Variants in SPCS2 observed in about 807,000 individuals in gnomAD.
SPCS2 encodes the protein signal peptidase complex subunit 2.
Under a neutral mutation model 22.3 loss-of-function variants are expected in SPCS2, and 3 were observed. The observed-to-expected ratio is 0.13, with a 90% CI of 0.06 to 0.35. The LOEUF (loss-of-function observed/expected upper bound fraction) is 0.35, where lower values mean the gene tolerates loss of function less well. SPCS2 is among the 10% of genes least tolerant of loss of function. The pLI is 1.00. For missense variants in SPCS2, 169 were observed against 280.9 expected, an observed-to-expected ratio of 0.60 and a Z score of 2.85; for synonymous variants, 67 against 97.2, an observed-to-expected ratio of 0.69 and a Z score of 1.83.
At chr11:74,969,407 A>C (rs1270019454) in intron 3 of SPCS2, among the ~76,000 whole-genome samples, 158 bp from the exon 4 acceptor site, 1 of 152,240 alleles carries the variant, frequency 6.6e-6, no homozygotes, top group East Asian at 1.9e-4. Flanking sequence ...TATAAACATA[A>C]GGATGAAAAT....
rs1245251327 is a variant in SPCS2, at chr11:74,951,440, A to G, written c.114+2041A>G. ...GAATCTATTTAAGGAAGTATATGGT[A>G]TATTCGCTCAAGTGTGTACTTGTTA... On this transcript the variant is annotated intron_variant, in intron 1 of 4. Transcript: ENST00000263672. Among the ~76,000 whole-genome samples, 4 of 152,184 alleles carry G rather than the reference A, an allele frequency of 2.6e-5. No homozygotes were observed. In the East Asian group the frequency reaches 7.7e-4, roughly 29 times the overall value.
chr11:74,949,751 GC>G, intron 1 of SPCS2: 1 of 431,364 alleles, frequency 2.3e-6, no homozygotes, highest in South Asian at 1.7e-5. Context: ...GAAAACCGAA[GC>G]CCAAAGATTA....
In SPCS2 at chr11:74,969,493, A is replaced by G. The variant is rs913264116; in HGVS notation, c.360-72A>G. 4 of 1,438,704 alleles carry G rather than the reference A, an allele frequency of 2.8e-6. No homozygotes were observed. The African/African-American group carries it at 5.7e-5, about 20-fold the overall frequency. 89.1% of individuals were successfully genotyped at this position (1,438,704 alleles called of 1,614,324 possible). A position where few individuals can be genotyped will look rare whatever the true frequency, so the allele number is the denominator to read the frequency against. The stretch of plus-strand genomic sequence containing the variant: ...TAGGACTATCATTATGAAAGTTTTT[A>G]TATCTGTTGCTTGTCAATTTGTGTT... On this transcript the variant is annotated intron_variant, in intron 3 of 4. Coordinates refer to ENST00000263672, the MANE Select transcript of SPCS2 (RefSeq NM_014752.3).
rs1217453849 is a variant in SPCS2, at chr11:74,957,692, G to A, written c.115-7342G>A. Among the ~76,000 whole-genome samples the A allele has an allele frequency of 3.9e-5, 6 of 152,210 alleles. No individual in the cohort carries two copies. In the South Asian group the frequency reaches 1.0e-3, roughly 26 times the overall value. On this transcript the variant is annotated intron_variant, in intron 1 of 4. Coordinates refer to ENST00000263672, the MANE Select transcript of SPCS2 (RefSeq NM_014752.3). ...TTGTAGTGTGCCCTTGCCCCTCTAT[G>A]TCTACTTCTTACCATTTAGCACTTA... is the stretch of plus-strand genomic sequence containing the variant.
chr11:74,975,221 G>A (rs577804603), intron 4 of SPCS2, among the ~76,000 whole-genome samples: 1 of 152,156 alleles, frequency 6.6e-6, no homozygotes, highest in East Asian at 1.9e-4. Flanking sequence ...TCTTGCCTCA[G>A]GGCCTTTGCA....
chr11:74,975,927 C>T (rs1324026523), intron 4 of SPCS2, among the ~76,000 whole-genome samples: 1 of 152,136 alleles, frequency 6.6e-6, no homozygotes, highest in African/African-American at 2.4e-5. Flanking sequence ...TGTCAGCCTA[C>T]CAGTAATTGG....
intron 4 of SPCS2, among the ~76,000 whole-genome samples, chr11:74,969,982 A>G (rs1050932962): frequency 6.6e-6 from 1 of 152,230 alleles, no homozygotes; most frequent in Non-Finnish European, 1.5e-5. Flanking sequence ...TAAAGGCCAA[A>G]GATGTGAGAT....
At chr11:74,950,129 T>C (rs1051517920) in intron 1 of SPCS2, among the ~76,000 whole-genome samples, 1 of 152,188 alleles carries the variant, frequency 6.6e-6, no homozygotes, top group Non-Finnish European at 1.5e-5. Flanking sequence ...AAACTGTCCC[T>C]GGGTTGGCCT....
At chr11:74,958,490 C>T (rs1377724322) in intron 1 of SPCS2, among the ~76,000 whole-genome samples, 2 of 152,134 alleles carry the variant, frequency 1.3e-5, no homozygotes, top group Non-Finnish European at 2.9e-5. Context: ...ATTTTCCTTT[C>T]TTGCTAAATA....
chr11:74,960,845 CAT>C (rs1052171769), intron 1 of SPCS2, among the ~76,000 whole-genome samples: 27 of 152,130 alleles, frequency 1.8e-4, no homozygotes, highest in Non-Finnish European at 2.8e-4. Context: ...ATCCGTAGCA[CAT>C]GTTAGGCATT....
chr11:74,971,713 G>A (rs1948585634), intron 4 of SPCS2, among the ~76,000 whole-genome samples: 1 of 152,156 alleles, frequency 6.6e-6, no homozygotes, highest in Non-Finnish European at 1.5e-5. Flanking sequence ...GCCACGTGCA[G>A]ACAACACAAG....
At chr11:74,951,818 A>G (rs988141215) in intron 1 of SPCS2, among the ~76,000 whole-genome samples, 1 of 151,616 alleles carries the variant, frequency 6.6e-6, no homozygotes, top group Non-Finnish European at 1.5e-5. Context: ...CTCAAAAAAA[A>G]AAAAAAAAAA....
chr11:74,953,409 T>G (rs1006826673), intron 1 of SPCS2, among the ~76,000 whole-genome samples: 1 of 152,108 alleles, frequency 6.6e-6, no homozygotes, highest in Non-Finnish European at 1.5e-5. Flanking sequence ...GCCAGGCTGG[T>G]CTCAAACTCC....
Position 74,949,385 on chromosome 11 carries a change from G to A in SPCS2, c.100G>A (p.Gly34Ser), listed in dbSNP as rs1164051479. 1 of 1,551,498 alleles carries A rather than the reference G, an allele frequency of 6.4e-7. No homozygotes were observed. Among genetic ancestry groups the A allele is most frequent in the Admixed American group, 2.0e-5 (1 of 50,992 alleles). Residue 34 changes from glycine to serine, a missense_variant, in exon 1 of 5, where the codon GGC becomes AGC. This residue lies in a region of SPCS2 where 118 missense variants were observed against 243.1 expected (regional missense o/e 0.49). Coordinates refer to ENST00000263672, the MANE Select transcript of SPCS2 (RefSeq NM_014752.3). Reference sequence around the variant, plus strand: ...CTGCGGGACAGGAAGTGGCCGTAGCGGCTTGTTGGATAAGGTGAGGAGCCG... The same window carrying A: ...CTGCGGGACAGGAAGTGGCCGTAGCAGCTTGTTGGATAAGGTGAGGAGCCG... ...SNCGTGSGRS[G>S]LLDKWKIDDK...
intron 1 of SPCS2, 36 bp from the exon 2 acceptor site, chr11:74,964,998 G>A: frequency 1.4e-6 from 2 of 1,459,950 alleles, no homozygotes; most frequent in Non-Finnish European, 1.9e-6. Context: ...AAGAGGCCAG[G>A]TTTCTTGATG....
chr11:74,949,502 G>A, intron 1 of SPCS2, 103 bp downstream of exon 1: 1 of 1,056,190 alleles, frequency 9.5e-7, no homozygotes, highest in Non-Finnish European at 1.4e-6. Context: ...GGCCTTTTGA[G>A]GGGAGCCCTT....
intron 1 of SPCS2, among the ~76,000 whole-genome samples, chr11:74,960,393 A>T (rs939436052): frequency 3.3e-5 from 5 of 151,710 alleles, no homozygotes; most frequent in Non-Finnish European, 5.9e-5. Context: ...TTAAGATAGT[A>T]CTTTTTGAGC....
At chr11:74,962,683 A>G (rs1266289125) in intron 1 of SPCS2, among the ~76,000 whole-genome samples, 1 of 152,226 alleles carries the variant, frequency 6.6e-6, no homozygotes. Flanking sequence ...AGCACCTAAT[A>G]GCAACTCCCC....
intron 1 of SPCS2, among the ~76,000 whole-genome samples, chr11:74,951,675 T>C (rs1409552491): frequency 1.3e-5 from 2 of 151,696 alleles, no homozygotes; most frequent in Non-Finnish European, 2.9e-5. Flanking sequence ...CGAAGTGTGG[T>C]GGTGCATGCC....
Sources: allele counts gnomAD v4.1 joint callset (sites outside exome capture counted in the v4.1 genomes callset), GRCh38; gene constraint gnomAD v4.1.1; regional missense constraint gnomAD v4.1.1; transcripts MANE v1.5; gene names NCBI Gene and HGNC (gene_info 2026-07-23, HGNC 2026-07-21).